Variants in NAV2 observed in about 807,000 individuals in gnomAD.
The protein encoded by NAV2 is helicase, APC down-regulated 1.
A neutral mutation model predicts 223.2 loss-of-function variants in NAV2; 54 were observed. The observed-to-expected ratio is 0.24, with a 90% CI of 0.19 to 0.30. The LOEUF (loss-of-function observed/expected upper bound fraction) is 0.30. NAV2 is among the 10% of genes least tolerant of loss of function. The pLI is 1.00. For missense variants in NAV2, 2,806 were observed against 3,147.5 expected, an observed-to-expected ratio of 0.89 and a Z score of 2.60; for synonymous variants, 1,279 against 1,239.3, an observed-to-expected ratio of 1.03 and a Z score of -0.67.
At chr11:19,747,872 G>T (rs2053508347) in intron 1 of NAV2, among the ~76,000 whole-genome samples, 2 of 152,162 alleles carry the variant, frequency 1.3e-5, no homozygotes, top group Non-Finnish European at 2.9e-5. Context: ...TGGAAACCAG[G>T]AGCTTCCGGC....
chr11:19,406,660 A>G (rs958203449), intron 1 of NAV2, among the ~76,000 whole-genome samples: 1 of 151,922 alleles, frequency 6.6e-6, no homozygotes, highest in African/African-American at 2.4e-5. Flanking sequence ...TTTCTCAATT[A>G]ACTAAGCTTT....
At chr11:20,008,456 A>C (rs929795647) in intron 11 of NAV2, among the ~76,000 whole-genome samples, 5 of 152,240 alleles carry the variant, frequency 3.3e-5, no homozygotes, top group African/African-American at 1.2e-4. Context: ...TTGAGGTCCA[A>C]AAACTTCCAG....
chr11:19,561,754 C>T (rs1565051670), intron 1 of NAV2, among the ~76,000 whole-genome samples: 1 of 152,328 alleles, frequency 6.6e-6, no homozygotes, highest in Non-Finnish European at 1.5e-5. Context: ...GGGACCTCTG[C>T]CTTGCACTCT....
At chr11:19,778,870 A>C in intron 1 of NAV2, among the ~76,000 whole-genome samples, 1 of 152,098 alleles carries the variant, frequency 6.6e-6, no homozygotes, top group East Asian at 1.9e-4. Flanking sequence ...CTGAGATGCC[A>C]CTCTAACAGG....
chr11:19,892,214 C>T (rs1280808671), intron 5 of NAV2, among the ~76,000 whole-genome samples: 1 of 152,194 alleles, frequency 6.6e-6, no homozygotes, highest in Admixed American at 6.5e-5. Flanking sequence ...AAATTTTTCT[C>T]TCTGCTCAAA....
chr11:19,638,035 T>C (rs2047553805), intron 1 of NAV2, among the ~76,000 whole-genome samples: 1 of 152,186 alleles, frequency 6.6e-6, no homozygotes. Flanking sequence ...AGGGTAACCT[T>C]AGGAGGTATA....
chr11:19,719,492 A>G (rs1463991906), intron 1 of NAV2, among the ~76,000 whole-genome samples: 1 of 152,168 alleles, frequency 6.6e-6, no homozygotes, highest in African/African-American at 2.4e-5. Context: ...TGATGCTTAT[A>G]GGTTGGGGGT....
At chr11:19,357,650 T>G (rs1193815599) in intron 1 of NAV2, among the ~76,000 whole-genome samples, 3 of 152,216 alleles carry the variant, frequency 2.0e-5, no homozygotes, top group Non-Finnish European at 4.4e-5. Flanking sequence ...TTCCTTTTGG[T>G]TAACTGAAGG....
At chr11:19,785,696 G>A (rs567428388) in intron 1 of NAV2, among the ~76,000 whole-genome samples, 1 of 150,350 alleles carries the variant, frequency 6.7e-6, no homozygotes, top group African/African-American at 2.5e-5. Context: ...TCTGTCCACG[G>A]AGTAATGTCT....
At chr11:19,812,819 T>C (rs1000637978) in intron 1 of NAV2, among the ~76,000 whole-genome samples, 1 of 152,142 alleles carries the variant, frequency 6.6e-6, no homozygotes, top group African/African-American at 2.4e-5. Flanking sequence ...CGCCTTTCTA[T>C]AGTCCTGTCC....
chr11:19,877,490 T>TCTTTTCTTTTTTTTTTTTTTTTTG (rs2062924247), intron 4 of NAV2, among the ~76,000 whole-genome samples: 1 of 145,298 alleles, frequency 6.9e-6, no homozygotes, highest in African/African-American at 2.6e-5. Context: ...TTTTTTTTTT[T>TCTTTTCTTTTTTTTTTTTTTTTTG]GAGACAGAGT....
intron 1 of NAV2, among the ~76,000 whole-genome samples, chr11:19,575,728 A>C (rs369625956): frequency 1.3e-5 from 2 of 152,154 alleles, no homozygotes; most frequent in Non-Finnish European, 2.9e-5. Context: ...AGTTCCAACT[A>C]AAGTGGGAGC....
chr11:19,537,835 AGTTT>A (rs1193547928), intron 1 of NAV2, among the ~76,000 whole-genome samples: 5 of 152,190 alleles, frequency 3.3e-5, no homozygotes, highest in South Asian at 2.1e-4. Flanking sequence ...TTTAAGTCTC[AGTTT>A]GTTTATCAGT....
intron 11 of NAV2, among the ~76,000 whole-genome samples, chr11:19,985,731 C>T (rs2050737382): frequency 6.6e-6 from 1 of 152,056 alleles, no homozygotes; most frequent in South Asian, 2.1e-4. Flanking sequence ...CGTGTACCAG[C>T]ATGCCCAGCT....
intron 1 of NAV2, among the ~76,000 whole-genome samples, chr11:19,358,041 A>G (rs1179052626): frequency 1.3e-5 from 2 of 152,208 alleles, no homozygotes; most frequent in Non-Finnish European, 2.9e-5. Context: ...ATCCTAGGCT[A>G]CTTTGCTCCT....
At chr11:19,889,346 C>T (rs1390650017) in intron 5 of NAV2, among the ~76,000 whole-genome samples, 2 of 152,126 alleles carry the variant, frequency 1.3e-5, no homozygotes, top group African/African-American at 4.8e-5. Flanking sequence ...ACAACAGAAC[C>T]TAAGTGTTAA....
intron 11 of NAV2, among the ~76,000 whole-genome samples, chr11:19,990,189 T>C (rs1021370437): frequency 1.1e-4 from 17 of 152,224 alleles, no homozygotes; most frequent in African/African-American, 3.6e-4. Flanking sequence ...GCTGGGCCAG[T>C]TGCCTCCTTG....
chr11:19,777,987 G>C (rs751195282), intron 1 of NAV2: 9 of 455,962 alleles, frequency 2.0e-5, no homozygotes, highest in South Asian at 1.4e-4. Context: ...CCCCGAGTGA[G>C]TGAGTATGCA....
intron 1 of NAV2, among the ~76,000 whole-genome samples, chr11:19,391,286 A>C (rs1849239831): frequency 1.3e-5 from 2 of 151,884 alleles, no homozygotes; most frequent in South Asian, 2.1e-4. Flanking sequence ...GCTTCCATTC[A>C]GTTCTGTGTT....
Sources: allele counts gnomAD v4.1 joint callset (sites outside exome capture counted in the v4.1 genomes callset), GRCh38; gene constraint gnomAD v4.1.1; transcripts MANE v1.5; gene names NCBI Gene and HGNC (gene_info 2026-07-23, HGNC 2026-07-21).